Variants in CPE observed in about 807,000 individuals in gnomAD.
The protein encoded by CPE is carboxypeptidase E, also known as carbocypeptidase E.
Under a neutral mutation model 53.5 loss-of-function variants are expected in CPE, and 17 were observed. The ratio of observed to expected loss-of-function variants is 0.32; its 90% CI spans 0.22 to 0.48. The LOEUF is 0.48. Among genes scored for constraint, CPE ranks in the 20% least tolerant of loss-of-function variants. CPE has a pLI of 0.99. For synonymous variants in CPE, 226 were observed against 228.8 expected (o/e 0.99, Z 0.11); for missense variants, 524 against 614.7 (o/e 0.85, Z 1.56).
Position 165,379,510 on chromosome 4 carries a change from C to G in CPE, c.289C>G (p.Pro97Ala), listed in dbSNP as rs763438151. The G allele has an allele frequency of 2.5e-6, 4 of 1,591,546 alleles. No individual in the cohort carries two copies. The highest frequency in any genetic ancestry group is 3.4e-6 in the Non-Finnish European group (4 of 1,165,056). ...CCTGGTCATCGAGCTGTCCGACAACCCTGGCGTCCATGAGCCTGGTAAGGG... is the reference window on the plus strand; with the variant it reads ...CCTGGTCATCGAGCTGTCCGACAACGCTGGCGTCCATGAGCCTGGTAAGGG... ...ELLVIELSDN[P>A]GVHEPGEPEF... The change falls in exon 1 of 9, where the codon CCT (proline) becomes GCT (alanine). Residue 97 changes from proline (P) to alanine (A), a missense_variant. Transcript: ENST00000402744. This position sits in a 1 kb window ranked among gnomAD's most constrained non-coding sequence, Gnocchi z 6.0.
chr4:165,485,278 G>A (rs1183234499), intron 5 of CPE, among the ~76,000 whole-genome samples: 1 of 152,046 alleles, frequency 6.6e-6, no homozygotes, highest in Non-Finnish European at 1.5e-5. Flanking sequence ...AGTGAAATGC[G>A]AAGATATTTA....
chr4:165,457,197 A>G (rs764911014), intron 1 of CPE, among the ~76,000 whole-genome samples: 9 of 152,178 alleles, frequency 5.9e-5, no homozygotes, highest in Non-Finnish European at 1.2e-4. Context: ...TTACTGGCAT[A>G]TGAGAGCCTA....
intron 1 of CPE, chr4:165,381,276 T>G (rs1401252034): frequency 2.2e-6 from 1 of 456,288 alleles, no homozygotes; most frequent in Middle Eastern, 3.3e-4. Flanking sequence ...AAATCCTTCT[T>G]TTAGATTGCA....
intron 1 of CPE, among the ~76,000 whole-genome samples, chr4:165,441,651 A>C (rs1731612892): frequency 6.6e-6 from 1 of 152,184 alleles, no homozygotes; most frequent in Non-Finnish European, 1.5e-5. Context: ...ATCTTTAAGA[A>C]ATTTTCCTTT....
chr4:165,405,907 A>G, intron 1 of CPE: 1 of 733,110 alleles, frequency 1.4e-6, no homozygotes, highest in Non-Finnish European at 2.6e-6. Context: ...TTGGCATAAA[A>G]TGGCAGGATC....
intron 1 of CPE, among the ~76,000 whole-genome samples, chr4:165,432,198 A>G (rs772318356): frequency 1.3e-5 from 2 of 152,238 alleles, no homozygotes; most frequent in African/African-American, 2.4e-5. Flanking sequence ...TTGTGAGCAT[A>G]GCTACATTCT....
At chr4:165,401,515 T>C (rs1003630352) in intron 1 of CPE, among the ~76,000 whole-genome samples, 1 of 152,232 alleles carries the variant, frequency 6.6e-6, no homozygotes, top group African/African-American at 2.4e-5. Context: ...TGTAAAATCA[T>C]GAAACCTGTC....
intron 3 of CPE, among the ~76,000 whole-genome samples, chr4:165,469,901 G>A (rs1281204873): frequency 6.6e-6 from 1 of 152,192 alleles, no homozygotes; most frequent in Non-Finnish European, 1.5e-5. Flanking sequence ...TGGGATGCTG[G>A]ATGAAGGATC....
At chr4:165,464,366 C>A in intron 1 of CPE, 24 bp from the exon 2 acceptor site, 1 of 1,545,338 alleles carries the variant, frequency 6.5e-7, no homozygotes, top group Non-Finnish European at 8.8e-7. Flanking sequence ...GAAAACATCT[C>A]CATGCTATCT....
chr4:165,449,613 T>TATGCG (rs1265382857), intron 1 of CPE, among the ~76,000 whole-genome samples: 1 of 152,208 alleles, frequency 6.6e-6, no homozygotes, highest in Non-Finnish European at 1.5e-5. Context: ...GATGCTGAGA[T>TATGCG]ATGCGATGAA....
chr4:165,424,879 C>T (rs1178807016), intron 1 of CPE, among the ~76,000 whole-genome samples: 5 of 137,768 alleles, frequency 3.6e-5, no homozygotes, highest in Non-Finnish European at 3.1e-5. Context: ...AAAGTAGAAA[C>T]TTTTTTTTTT....
intron 1 of CPE, among the ~76,000 whole-genome samples, chr4:165,386,791 C>T (rs1267085931): frequency 6.6e-6 from 1 of 152,188 alleles, no homozygotes; most frequent in East Asian, 1.9e-4. Context: ...AAAATTTTGA[C>T]CTTTAAAAAC....
At position 165,467,867 on chromosome 4, in the gene CPE, G is replaced by C. The variant is rs568585778; in HGVS notation, c.672+12G>C. On this transcript the variant is annotated intron_variant, in intron 3 of 8. Transcript: ENST00000402744. ...ATCAAAACACAAAGGTAGTGACCAC[G>C]GGATAGTCTTCTTGGGTTCGTCTCT... 6.2e-7 allele frequency: 1 copy of C among 1,612,464 alleles called. No homozygotes were observed. Among genetic ancestry groups the C allele is most frequent in the South Asian group, 1.1e-5 (1 of 90,768 alleles).
chr4:165,409,423 C>T (rs1446805390), intron 1 of CPE, among the ~76,000 whole-genome samples: 6 of 152,142 alleles, frequency 3.9e-5, no homozygotes, highest in South Asian at 2.1e-4. Context: ...TAGCTGGTCT[C>T]GAACTCCTGG....
At chr4:165,445,699 C>A (rs950804998) in intron 1 of CPE, among the ~76,000 whole-genome samples, 20 of 152,098 alleles carry the variant, frequency 1.3e-4, no homozygotes, top group African/African-American at 4.1e-4. Flanking sequence ...AATAACAGTT[C>A]TTCCAAAATT....
At chr4:165,462,021 G>A (rs1179108182) in intron 1 of CPE, among the ~76,000 whole-genome samples, 1 of 152,156 alleles carries the variant, frequency 6.6e-6, no homozygotes, top group East Asian at 1.9e-4. Flanking sequence ...TCAACCTAAA[G>A]CATTGTTATT....
intron 8 of CPE, among the ~76,000 whole-genome samples, 173 bp downstream of exon 8, chr4:165,495,850 C>T (rs1010058018): frequency 7.9e-5 from 12 of 152,160 alleles, no homozygotes; most frequent in African/African-American, 2.9e-4. Flanking sequence ...TAATATGAAG[C>T]TCTATTACCA....
chr4:165,490,550 A>G (rs1732582700), intron 6 of CPE, among the ~76,000 whole-genome samples: 1 of 148,334 alleles, frequency 6.7e-6, no homozygotes, highest in Non-Finnish European at 1.5e-5. Context: ...GGAGAATGGC[A>G]TGAACCCGGG....
intron 1 of CPE, among the ~76,000 whole-genome samples, chr4:165,458,960 A>G (rs1428346814): frequency 1.3e-5 from 2 of 152,168 alleles, no homozygotes; most frequent in South Asian, 4.1e-4. Context: ...CACCCTACTG[A>G]CATGTGGACT....
Sources: gnomAD v4.1 joint callset for allele counts (sites outside exome capture counted in the v4.1 genomes callset) on GRCh38, gnomAD v4.1.1 for gene constraint, Gnocchi (gnomAD v3.1) non-coding constraint, MANE v1.5 for transcripts, NCBI Gene and HGNC (gene_info 2026-07-23, HGNC 2026-07-21) for gene names.